MID1: variants seen among roughly 807,000 people sequenced by gnomAD.
MID1 encodes midline 1, also known as E3 ubiquitin-protein ligase Midline-1.
A neutral mutation model predicts 40.4 loss-of-function variants in MID1; 7 were observed. The observed-to-expected ratio is 0.17, with a 90% CI of 0.10 to 0.33. The LOEUF (loss-of-function observed/expected upper bound fraction) is 0.33. MID1 is among the 10% of genes least tolerant of loss of function. The pLI is 1.00. For synonymous variants in MID1, 229 were observed against 221.2 expected, an observed-to-expected ratio of 1.04 and a Z score of -0.31; for missense variants, 367 against 558.5, an observed-to-expected ratio of 0.66 and a Z score of 3.46.
intron 1 of MID1, among the ~76,000 whole-genome samples, chrX:10,578,070 A>T (rs994997276): frequency 3.5e-5 from 4 of 112,779 alleles, no homozygotes; most frequent in African/African-American, 1.3e-4. Flanking sequence ...ACGTCTCAAC[A>T]TCTACTTTAT....
chrX:10,738,233 G>A (rs2147107425), intron 1 of MID1, among the ~76,000 whole-genome samples: 1 of 112,102 alleles, frequency 8.9e-6, no homozygotes, highest in South Asian at 3.8e-4. Flanking sequence ...TAGGGCTCAG[G>A]TTTCCAGAAG....
chrX:10,705,392 C>T (rs949160880), intron 1 of MID1, among the ~76,000 whole-genome samples: 10 of 111,875 alleles, frequency 8.9e-5, no homozygotes, highest in Admixed American at 9.5e-5. Flanking sequence ...ACTGCAGTTT[C>T]TACCTCTAAA....
chrX:10,801,893 A>T (rs2044010383), intron 1 of MID1, among the ~76,000 whole-genome samples: 1 of 112,109 alleles, frequency 8.9e-6, no homozygotes. Flanking sequence ...AAAAGAAACT[A>T]TCAACCGAGG....
intron 1 of MID1, among the ~76,000 whole-genome samples, chrX:10,735,779 T>G (rs1255611017): frequency 9.0e-6 from 1 of 111,568 alleles, no homozygotes; most frequent in Non-Finnish European, 1.9e-5. Context: ...AGCCTCAGCC[T>G]CCTAGGCTCA....
At chrX:10,612,198 A>G (rs1935747455) in intron 1 of MID1, among the ~76,000 whole-genome samples, 1 of 111,963 alleles carries the variant, frequency 8.9e-6, no homozygotes, top group Non-Finnish European at 1.9e-5. Flanking sequence ...TCATGTTTTT[A>G]TCTACTCAGA....
intron 2 of MID1, among the ~76,000 whole-genome samples, chrX:10,529,237 A>C: frequency 8.9e-6 from 1 of 112,669 alleles, no homozygotes; most frequent in African/African-American, 3.2e-5. Context: ...TTAATAAAAT[A>C]TTTAAACCAC....
chrX:10,779,348 CT>C (rs1348529312), intron 1 of MID1, among the ~76,000 whole-genome samples: 1 of 111,387 alleles, frequency 9.0e-6, no homozygotes. Context: ...ACCTGGATAA[CT>C]TTTTGTAGAG....
chrX:10,799,535 T>C (rs2043991281), intron 1 of MID1, among the ~76,000 whole-genome samples: 1 of 112,161 alleles, frequency 8.9e-6, no homozygotes. Flanking sequence ...AATATCATGA[T>C]TGGAAACCAT....
chrX:10,571,525 A>G (rs1441241758), intron 1 of MID1, among the ~76,000 whole-genome samples: 4 of 104,821 alleles, frequency 3.8e-5, no homozygotes, highest in African/African-American at 1.4e-4. Context: ...TTCTTTCACC[A>G]AATACTTAAG....
chrX:10,460,352 G>T (rs1448940336), intron 7 of MID1, among the ~76,000 whole-genome samples: 1 of 111,556 alleles, frequency 9.0e-6, no homozygotes, highest in Non-Finnish European at 1.9e-5. Flanking sequence ...GGGAAGCTAA[G>T]AAATGATCAT....
chrX:10,572,495 G>A (rs757150754), intron 1 of MID1, among the ~76,000 whole-genome samples: 2 of 110,870 alleles, frequency 1.8e-5, no homozygotes, highest in East Asian at 5.7e-4. Context: ...AGGTTGCAGT[G>A]AGCTGAAATC....
chrX:10,764,608 T>C (rs1447948316), intron 1 of MID1, among the ~76,000 whole-genome samples: 1 of 112,095 alleles, frequency 8.9e-6, no homozygotes, highest in Non-Finnish European at 1.9e-5. Context: ...TTAGATTTTA[T>C]TTATTGTATC....
chrX:10,776,977 G>A (rs1217359407), intron 1 of MID1, among the ~76,000 whole-genome samples: 1 of 111,127 alleles, frequency 9.0e-6, no homozygotes. Context: ...ATGCATAGAT[G>A]GAAAGGTACG....
At chrX:10,813,900 A>G (rs1162732681) in intron 1 of MID1, among the ~76,000 whole-genome samples, 1 of 111,593 alleles carries the variant, frequency 9.0e-6, no homozygotes, top group African/African-American at 3.3e-5. Context: ...TCAGGTAGTC[A>G]ATGTTTTCCG....
intron 1 of MID1, among the ~76,000 whole-genome samples, chrX:10,729,131 C>T (rs770702332): frequency 8.0e-5 from 9 of 111,872 alleles, no homozygotes; most frequent in African/African-American, 2.9e-4. Flanking sequence ...TTCTGTCATC[C>T]GTGCTCACTC....
At chrX:10,497,193 T>C (rs1931300102) in intron 3 of MID1, among the ~76,000 whole-genome samples, 1 of 112,370 alleles carries the variant, frequency 8.9e-6, no homozygotes, top group African/African-American at 3.2e-5. Flanking sequence ...ATTTAATAAC[T>C]GACTACAACT....
chrX:10,820,502 A>G (rs2044167200), intron 1 of MID1, among the ~76,000 whole-genome samples: 1 of 111,900 alleles, frequency 8.9e-6, no homozygotes. Context: ...TTGTGTACCT[A>G]CAGGGCCAAT....
chrX:10,671,583 T>A (rs770845781), intron 1 of MID1, among the ~76,000 whole-genome samples: 103 of 111,461 alleles, frequency 9.2e-4, no homozygotes, highest in African/African-American at 3.2e-3. Context: ...TAGTGCAGCA[T>A]ACACACATCT....
chrX:10,656,357 A>G (rs1453667599), intron 1 of MID1, among the ~76,000 whole-genome samples: 1 of 111,832 alleles, frequency 8.9e-6, no homozygotes, highest in Non-Finnish European at 1.9e-5. Flanking sequence ...CTCCTCTTCA[A>G]TGCCCACACC....
Sources: gnomAD v4.1 joint callset for allele counts (sites outside exome capture counted in the v4.1 genomes callset) on GRCh38, gnomAD v4.1.1 for gene constraint, MANE v1.5 for transcripts, NCBI Gene and HGNC (gene_info 2026-07-23, HGNC 2026-07-21) for gene names.